The following FMNL3 variants were observed in gnomAD, a reference collection of about 807,000 sequenced individuals.
FMNL3 encodes formin-like protein 3.
In FMNL3, 57 loss-of-function variants were observed where a neutral mutation model predicts 119.6. That is an observed-to-expected ratio of 0.48 (90% CI 0.39 to 0.59). The LOEUF (loss-of-function observed/expected upper bound fraction) is 0.59, where lower values mean the gene tolerates loss of function less well. Among genes scored for constraint, FMNL3 ranks in the 20% least tolerant of loss-of-function variants. The pLI is 0.00. For synonymous variants in FMNL3, 491 were observed against 507.3 expected, an observed-to-expected ratio of 0.97 and a Z score of 0.43; for missense variants, 1,053 against 1,323.5, an observed-to-expected ratio of 0.80 and a Z score of 3.17.
Position 49,686,312 on chromosome 12 carries a change from T to G in FMNL3, c.127-17758A>C, listed in dbSNP as rs941598748. Among the ~76,000 whole-genome samples the G allele has an allele frequency of 4.0e-5, 6 of 150,148 alleles. No homozygotes were observed. The East Asian group carries it at 1.3e-3, about 32-fold the overall frequency. On this transcript the variant is annotated intron_variant, in intron 1 of 25. Transcript: ENST00000335154. ...TACTGAGCATCCTGGCTGGACGTGG[T>G]GGCTCACACCTGTAATCCCAGCACT...
intron 1 of FMNL3, among the ~76,000 whole-genome samples, chr12:49,689,745 G>C (rs1171133542): frequency 1.3e-5 from 2 of 152,170 alleles, no homozygotes; most frequent in Non-Finnish European, 2.9e-5. Context: ...ACAAAACTCA[G>C]TGTGTACTGG....
intron 4 of FMNL3, among the ~76,000 whole-genome samples, chr12:49,664,724 A>T (rs1448411029): frequency 6.6e-6 from 1 of 152,178 alleles, no homozygotes; most frequent in Non-Finnish European, 1.5e-5. Flanking sequence ...TGAGGCCAGG[A>T]ACCATCCCTT....
intron 1 of FMNL3, among the ~76,000 whole-genome samples, chr12:49,700,539 A>G (rs1351242209): frequency 1.3e-5 from 2 of 149,350 alleles, no homozygotes; most frequent in Non-Finnish European, 3.0e-5. Flanking sequence ...ACGTGGCAAA[A>G]ACCCATCTCT....
In FMNL3 at chr12:49,641,583, T is replaced by A. The variant is rs1211097010; in HGVS notation, c.*4232A>T. 3.0e-6 allele frequency: 1 copy of A among 333,574 alleles called. No individual in the cohort carries two copies. Among genetic ancestry groups the A allele is most frequent in the Non-Finnish European group, 5.6e-6 (1 of 179,308 alleles). The allele number at this position is 333,574 out of a possible 1,614,324, so 20.7% of individuals were successfully genotyped here. On this transcript the variant is annotated 3_prime_UTR_variant, in exon 26 of 26. Transcript: ENST00000335154. Reference sequence around the variant, plus strand: ...GATTGAGAATGCATGGAAGCACTGCTGAGCAGCAGGAGGGCCCAGCTGGGG... The same window carrying A: ...GATTGAGAATGCATGGAAGCACTGCAGAGCAGCAGGAGGGCCCAGCTGGGG...
At chr12:49,692,326 CAA>C (rs879884290) in intron 1 of FMNL3, among the ~76,000 whole-genome samples, 1 of 140,532 alleles carries the variant, frequency 7.1e-6, no homozygotes, top group Non-Finnish European at 1.6e-5. Context: ...ACCTTGTCTC[CAA>C]AAAAAAAAAC....
At position 49,643,180 on chromosome 12, in the gene FMNL3, G is replaced by A. The variant is rs202231084; in HGVS notation, c.*2635C>T. ...ATTCCCAGACGAGGGCTTCTGGAGG[G>A]CAGAGAACCTCTGCACTGACATGTA... On this transcript the variant is annotated 3_prime_UTR_variant, in exon 26 of 26. Coordinates refer to ENST00000335154, the MANE Select transcript of FMNL3 (RefSeq NM_175736.5). 335 of 1,609,676 alleles carry A rather than the reference G, an allele frequency of 2.1e-4. No homozygotes were observed. In the African/African-American group the frequency reaches 4.0e-3, roughly 19 times the overall value.
At position 49,641,747 on chromosome 12, in the gene FMNL3, G is replaced by A; in HGVS notation, c.*4068C>T. 1 of 615,242 alleles carries A rather than the reference G, an allele frequency of 1.6e-6. No homozygotes were observed. Among genetic ancestry groups the A allele is most frequent in the Non-Finnish European group, 2.9e-6 (1 of 347,236 alleles). 38.1% of individuals were successfully genotyped at this position (615,242 alleles called of 1,614,324 possible). A position where few individuals can be genotyped will look rare whatever the true frequency, so the allele number is the denominator to read the frequency against. ...AGGCATGGGGGCTTAATTGTCAAGT[G>A]ATGAGGACTTGGATAACTTGGTTTC... is the stretch of plus-strand genomic sequence containing the variant. On this transcript the variant is annotated 3_prime_UTR_variant, in exon 26 of 26. Transcript: ENST00000335154.
chr12:49,691,718 A>G (rs1055448622), intron 1 of FMNL3, among the ~76,000 whole-genome samples: 8 of 151,438 alleles, frequency 5.3e-5, no homozygotes, highest in Admixed American at 5.3e-4. Flanking sequence ...GTAAGAGAGG[A>G]GCCTTTTTTT....
At chr12:49,653,176 C>T (rs771166032) in intron 13 of FMNL3, 50 bp downstream of exon 13, 22 of 1,543,192 alleles carry the variant, frequency 1.4e-5, no homozygotes, top group African/African-American at 9.5e-5. Flanking sequence ...AACCCCAAGG[C>T]GCTGGAGCCC....
intron 9 of FMNL3, 54 bp from the exon 10 acceptor site, chr12:49,655,038 C>T: frequency 1.9e-6 from 3 of 1,544,770 alleles, no homozygotes; most frequent in Non-Finnish European, 1.8e-6. Flanking sequence ...GAACCCAAGC[C>T]CCTGCGCTCT....
In FMNL3 at chr12:49,649,274, G is replaced by T; in HGVS notation, c.2370C>A (p.Leu790=). 6 of 1,614,158 alleles carry T rather than the reference G, an allele frequency of 3.7e-6. No individual in the cohort carries two copies. Among genetic ancestry groups the T allele is most frequent in the Non-Finnish European group, 5.1e-6 (6 of 1,180,026 alleles). Residue 790 remains leucine, a synonymous_variant, in exon 20 of 26, where the codon CTC becomes CTA. Transcript: ENST00000335154. This position sits in a 1 kb window ranked among gnomAD's most constrained non-coding sequence, Gnocchi z 5.6. ...SKRGAVYGFK[L]QSLDLLLDTK... ...ACCATCTTACCAGATCCAGGCTCTGGAGCTTGAAGCCATACACAGCTCCCC... is the reference window on the plus strand; with the variant it reads ...ACCATCTTACCAGATCCAGGCTCTGTAGCTTGAAGCCATACACAGCTCCCC...
At chr12:49,692,993 C>G (rs1208463191) in intron 1 of FMNL3, among the ~76,000 whole-genome samples, 2 of 151,948 alleles carry the variant, frequency 1.3e-5, no homozygotes, top group Non-Finnish European at 2.9e-5. Context: ...TTGTCCTGAA[C>G]GAAAGAGGGC....
chr12:49,658,191 G>T, intron 6 of FMNL3, among the ~76,000 whole-genome samples: 1 of 152,184 alleles, frequency 6.6e-6, no homozygotes, highest in East Asian at 1.9e-4. Flanking sequence ...AGAGAGGGGT[G>T]AGGAATGGGG....
rs1356427043 is a variant in FMNL3 at position 49,641,331 on chromosome 12, G to C, written c.*4484C>G. ...CTTTGGGGATAGAGAGCCCCCCCAG[G>C]GTAGGGTTCTTGCCCAGCCGTATAT... On this transcript the variant is annotated 3_prime_UTR_variant, in exon 26 of 26. Transcript: ENST00000335154. The C allele has an allele frequency of 1.3e-5, 2 of 152,400 alleles. No homozygotes were observed. The highest frequency in any genetic ancestry group is 4.8e-5 in the African/African-American group (2 of 41,452). The allele number at this position is 152,400 out of a possible 1,614,324, so 9.4% of individuals were successfully genotyped here. A position where few individuals can be genotyped will look rare whatever the true frequency, so the allele number is the denominator to read the frequency against.
At chr12:49,698,617 G>T (rs149908521) in intron 1 of FMNL3, among the ~76,000 whole-genome samples, 2 of 151,930 alleles carry the variant, frequency 1.3e-5, no homozygotes, top group Non-Finnish European at 2.9e-5. Context: ...GACAGAAAGC[G>T]TAAGAGAACC....
Position 49,647,786 on chromosome 12 carries a change from C to T in FMNL3, c.2695G>A (p.Val899Met). 1 of 1,613,720 alleles carries T rather than the reference C, an allele frequency of 6.2e-7. No individual in the cohort carries two copies. Among genetic ancestry groups the T allele is most frequent in the Non-Finnish European group, 8.5e-7 (1 of 1,179,830 alleles). ...TTGGGACTCTCGCCAAAGTAGCGCACAACTGCATTGTAGGCCTCCTGGGGA... is the reference window on the plus strand; with the variant it reads ...TTGGGACTCTCGCCAAAGTAGCGCATAACTGCATTGTAGGCCTCCTGGGGA... ...KTAEEAYNAV[V>M]RYFGESPKTT... Residue 899 changes from valine to methionine, a missense_variant, in exon 23 of 26, where the codon GTG (valine) becomes ATG (methionine). This residue lies in a region of FMNL3 where 324 missense variants were observed against 380.9 expected (regional missense o/e 0.85). Coordinates refer to ENST00000335154, the MANE Select transcript of FMNL3 (RefSeq NM_175736.5). This position sits in a 1 kb window ranked among gnomAD's most constrained non-coding sequence, Gnocchi z 4.9.
At chr12:49,679,353 T>C (rs952501508) in intron 1 of FMNL3, among the ~76,000 whole-genome samples, 3 of 152,018 alleles carry the variant, frequency 2.0e-5, no homozygotes, top group African/African-American at 4.8e-5. Context: ...CTTTCCAAAT[T>C]GTATGCATCC....
At chr12:49,675,995 T>C (rs892361967) in intron 1 of FMNL3, among the ~76,000 whole-genome samples, 10 of 152,168 alleles carry the variant, frequency 6.6e-5, no homozygotes, top group Non-Finnish European at 1.2e-4. Flanking sequence ...TTGTGATTGA[T>C]GTTTCCCCAA....
chr12:49,667,526 C>T lies in FMNL3; in HGVS notation c.210+945G>A, dbSNP rs577079345. 7.2e-5 allele frequency among the ~76,000 whole-genome samples: 11 copies of T among 152,312 alleles called. No individual in the cohort carries two copies. The East Asian group carries it at 2.1e-3, about 29-fold the overall frequency. ...GGAGGCAGTGGAACAGAACAGTTAA[C>T]ACAGACTTGGCATCTGCTTGCCTGA... On this transcript the variant is annotated intron_variant, in intron 2 of 25. Transcript: ENST00000335154.
Sources: gnomAD v4.1 joint callset for allele counts (sites outside exome capture counted in the v4.1 genomes callset) on GRCh38, gnomAD v4.1.1 for gene constraint, gnomAD v4.1.1 regional missense constraint, Gnocchi (gnomAD v3.1) non-coding constraint, MANE v1.5 for transcripts, NCBI Gene and HGNC (gene_info 2026-07-23, HGNC 2026-07-21) for gene names.